ERAP2: variants seen among roughly 807,000 people sequenced by gnomAD.
ERAP2 encodes leukocyte-derived arginine aminopeptidase.
ERAP2 carries 118 observed loss-of-function variants against 111.1 expected under a neutral mutation model. That is an observed-to-expected ratio of 1.06 (90% CI 0.92 to 1.24). The LOEUF is 1.24. Among genes scored for constraint, ERAP2 ranks in the 50% most tolerant of loss-of-function variants. ERAP2 has a pLI of 0.00. For missense variants in ERAP2, 1,131 were observed against 1,125.8 expected (o/e 1.00, Z -0.07); for synonymous variants, 410 against 401.2 (o/e 1.02, Z -0.26).
At chr5:96,877,718 A>C (rs534937040) in intron 1 of ERAP2, among the ~76,000 whole-genome samples, 6 of 139,526 alleles carry the variant, frequency 4.3e-5, no homozygotes, top group South Asian at 2.5e-4. Context: ...AGACCCACAT[A>C]ATAAGCCACT....
intron 13 of ERAP2, among the ~76,000 whole-genome samples, chr5:96,906,707 A>G (rs994738205): frequency 6.6e-6 from 1 of 152,214 alleles, no homozygotes; most frequent in Non-Finnish European, 1.5e-5. Context: ...AGAAAAAGCT[A>G]TATTTGTTTC....
At chr5:96,910,427 G>A (rs1190754128) in intron 15 of ERAP2, 2 of 148,940 alleles carry the variant, frequency 1.3e-5, no homozygotes, top group Non-Finnish European at 3.0e-5. Context: ...TTTCCTTGTT[G>A]GGATTCAAGC....
rs1008721395 is a variant in ERAP2, at chr5:96,909,635, A to T, written c.2225A>T (p.Lys742Met). ...PVIDRQSWSDKGSVWDRMLRS... is the reference protein window; with the variant it reads ...PVIDRQSWSDMGSVWDRMLRS... ...ATTGACAGGCAAAGCTGGAGTGACA[A>T]GGGCTCAGTCTGGGACAGGATGCTC... Residue 742 changes from lysine to methionine, a missense_variant, in exon 15 of 19, where the codon AAG (lysine) becomes ATG (methionine). Physicochemically the swap from Lys to Met is moderately conservative, Grantham distance 95. This residue lies in a region of ERAP2 where 279 missense variants were observed against 250.9 expected (regional missense o/e 1.11). Coordinates refer to ENST00000437043, the MANE Select transcript of ERAP2 (RefSeq NM_022350.5). 1 of 1,614,178 alleles carries T rather than the reference A, an allele frequency of 6.2e-7. No individual in the cohort carries two copies. Among genetic ancestry groups the T allele is most frequent in the Non-Finnish European group, 8.5e-7 (1 of 1,180,036 alleles).
intron 6 of ERAP2, 123 bp from the exon 7 acceptor site, chr5:96,895,123 G>A (rs1263156159): frequency 8.3e-6 from 5 of 600,244 alleles, no homozygotes; most frequent in Admixed American, 3.4e-5. Context: ...AGAGAAAAGG[G>A]TAGCAAAGAG....
chr5:96,894,315 T>G (rs935237629), intron 6 of ERAP2, among the ~76,000 whole-genome samples: 3 of 152,210 alleles, frequency 2.0e-5, no homozygotes, highest in African/African-American at 7.2e-5. Context: ...ATGAATGCCC[T>G]TCAGAAGATT....
chr5:96,902,940 C>T (rs1024405809), intron 12 of ERAP2: 4 of 154,494 alleles, frequency 2.6e-5, no homozygotes, highest in Admixed American at 6.4e-5. Flanking sequence ...AGAGGTTTTC[C>T]GTCACAAAGT....
At chr5:96,912,540 G>T in intron 15 of ERAP2, 97 bp from the exon 16 acceptor site, 1 of 789,962 alleles carries the variant, frequency 1.3e-6, no homozygotes, top group East Asian at 2.8e-5. Flanking sequence ...ACTGAAAGCA[G>T]TTCAGAGATT....
At chr5:96,907,195 T>A (rs1212458458) in intron 13 of ERAP2, among the ~76,000 whole-genome samples, 1 of 152,226 alleles carries the variant, frequency 6.6e-6, no homozygotes, top group Non-Finnish European at 1.5e-5. Flanking sequence ...TTCTTTAAGC[T>A]AAACAAACAT....
At chr5:96,914,711 T>A (rs1437881788) in intron 17 of ERAP2, among the ~76,000 whole-genome samples, 1 of 152,204 alleles carries the variant, frequency 6.6e-6, no homozygotes, top group Non-Finnish European at 1.5e-5. Flanking sequence ...GTTTTCCATA[T>A]ATAAAACATT....
chr5:96,908,101 G>C (rs1786300308), intron 13 of ERAP2, among the ~76,000 whole-genome samples: 1 of 152,168 alleles, frequency 6.6e-6, no homozygotes, highest in Non-Finnish European at 1.5e-5. Flanking sequence ...TTTAAAACAT[G>C]TATAAGCCCA....
chr5:96,891,180 A>T (rs1450813139), intron 5 of ERAP2, among the ~76,000 whole-genome samples: 4 of 152,122 alleles, frequency 2.6e-5, no homozygotes, highest in Non-Finnish European at 5.9e-5. Flanking sequence ...AAGCCAAGTG[A>T]CTTGGTTCAT....
At position 96,886,746 on chromosome 5, in the gene ERAP2, G is replaced by T; in HGVS notation, c.806G>T (p.Cys269Phe). The T allele has an allele frequency of 6.5e-7, 1 of 1,535,294 alleles. No individual in the cohort carries two copies. Among genetic ancestry groups the T allele is most frequent in the Non-Finnish European group, 8.9e-7 (1 of 1,126,058 alleles). Residue 269 changes from cysteine to phenylalanine, a missense_variant, in exon 4 of 19, where the codon TGT (cysteine) becomes TTT (phenylalanine). Coordinates refer to ENST00000437043, the MANE Select transcript of ERAP2 (RefSeq NM_022350.5). Reference sequence around the variant, plus strand: ...ACATACCTTGTAGCCTACATAGTTTGTGATTTCCACTCTCTGAGTGGCTTC... The same window carrying T: ...ACATACCTTGTAGCCTACATAGTTTTTGATTTCCACTCTCTGAGTGGCTTC... ...MSTYLVAYIV[C>F]DFHSLSGFTS...
chr5:96,903,306 A>G (rs1450058815), intron 12 of ERAP2, 71 bp from the exon 13 acceptor site: 10 of 1,197,096 alleles, frequency 8.4e-6, no homozygotes, highest in Admixed American at 2.5e-5. Context: ...TTGATTAAAA[A>G]TAACAGTTCT....
intron 6 of ERAP2, among the ~76,000 whole-genome samples, chr5:96,892,752 A>T (rs1784507926): frequency 6.6e-6 from 1 of 152,218 alleles, no homozygotes; most frequent in Non-Finnish European, 1.5e-5. Flanking sequence ...CATGAAGCAC[A>T]GAATTGGAAA....
intron 2 of ERAP2, among the ~76,000 whole-genome samples, chr5:96,883,435 TC>T (rs1273561146): frequency 1.3e-5 from 2 of 152,208 alleles, no homozygotes; most frequent in African/African-American, 2.4e-5. Context: ...ACATTTAATT[TC>T]CTAGTGAATT....
rs758783383 is a variant in ERAP2, at chr5:96,879,974, A to G, written c.289A>G (p.Ile97Val). ...TCTGGACTTTGTTGCATCTGAGAAG[A>G]TCGAAGTCTTGGTCAGCAATGCTAC... ...TSLDFVASEK[I>V]EVLVSNATQF... Residue 97 changes from isoleucine (I) to valine (V), a missense_variant, in exon 2 of 19, where the codon ATC becomes GTC. Coordinates refer to ENST00000437043, the MANE Select transcript of ERAP2 (RefSeq NM_022350.5). 1.9e-6 allele frequency: 3 copies of G among 1,614,204 alleles called. No individual in the cohort carries two copies. The highest frequency in any genetic ancestry group is 3.3e-5 in the Admixed American group (2 of 60,010).
chr5:96,903,584 T>C, intron 13 of ERAP2, 24 bp downstream of exon 13: 1 of 1,572,804 alleles, frequency 6.4e-7, no homozygotes, highest in African/African-American at 1.4e-5. Context: ...TCCTCTGACT[T>C]CATGCAAAAT....
intron 6 of ERAP2, among the ~76,000 whole-genome samples, chr5:96,893,451 G>A (rs2151153644): frequency 6.6e-6 from 1 of 152,258 alleles, no homozygotes; most frequent in East Asian, 1.9e-4. Flanking sequence ...GAGAACACAT[G>A]GGCTGCTTCC....
intron 13 of ERAP2, among the ~76,000 whole-genome samples, chr5:96,906,953 G>A (rs1445690333): frequency 6.6e-6 from 1 of 152,068 alleles, no homozygotes; most frequent in Non-Finnish European, 1.5e-5. Flanking sequence ...GCTTGAACCC[G>A]GGAGGCAGAG....
Sources: allele counts gnomAD v4.1 joint callset (sites outside exome capture counted in the v4.1 genomes callset), GRCh38; gene constraint gnomAD v4.1.1; regional missense constraint gnomAD v4.1.1; transcripts MANE v1.5; gene names NCBI Gene and HGNC (gene_info 2026-07-23, HGNC 2026-07-21).